Variants in CTNNA2 observed in about 807,000 individuals in gnomAD.
CTNNA2 encodes catenin alpha 2.
Under a neutral mutation model 101.0 loss-of-function variants are expected in CTNNA2, and 42 were observed. That is an observed-to-expected ratio of 0.42 (90% confidence interval 0.32 to 0.54). The LOEUF (loss-of-function observed/expected upper bound fraction) is 0.54. Ranked by LOEUF, CTNNA2 falls within the 20% of genes least tolerant of loss-of-function variation. The pLI, the probability that CTNNA2 is intolerant of heterozygous loss-of-function variation, is 0.14. For synonymous variants in CTNNA2, 450 were observed against 456.4 expected (o/e 0.99, Z 0.18); for missense variants, 871 against 1,223.1 (o/e 0.71, Z 4.29).
rs151276108 is a variant in CTNNA2, at chr2:79,838,978, T to C, written c.299-19035T>C. Among the ~76,000 whole-genome samples the C allele has an allele frequency of 9.6e-3, 1,456 of 152,198 alleles. 31 individuals carry two copies. The highest frequency in any genetic ancestry group is 0.033 in the African/African-American group (1,362 of 41,564). ...ATTACTACTTAATACCACTTATTAC[T>C]GGGCGCTTACTATGTGCCAGCTATA... is the stretch of plus-strand genomic sequence containing the variant. On this transcript the variant is annotated intron_variant, in intron 3 of 18. Transcript: ENST00000402739.
chr2:79,382,698 C>T (rs1186514748), intron 4 of CTNNA2, among the ~76,000 whole-genome samples: 1 of 152,216 alleles, frequency 6.6e-6, no homozygotes, highest in East Asian at 1.9e-4. Flanking sequence ...CCTGCAAGCT[C>T]TGCCTCCCGG....
intron 4 of CTNNA2, among the ~76,000 whole-genome samples, chr2:79,476,778 C>T (rs1464837497): frequency 9.2e-5 from 14 of 152,292 alleles, no homozygotes. Context: ...TTTTTGCTAG[C>T]CACTCGGTCT....
intron 2 of CTNNA2, among the ~76,000 whole-genome samples, chr2:79,684,156 TA>T (rs1683774257): frequency 6.6e-6 from 1 of 152,176 alleles, no homozygotes; most frequent in Non-Finnish European, 1.5e-5. Flanking sequence ...CGCAACTGAG[TA>T]GGGGTACCTT....
chr2:80,088,621 C>G (rs1043783010), intron 7 of CTNNA2, among the ~76,000 whole-genome samples: 3 of 151,970 alleles, frequency 2.0e-5, no homozygotes, highest in Non-Finnish European at 4.4e-5. Flanking sequence ...ATATTTGCCT[C>G]AAATAGGTAC....
At chr2:79,815,576 T>A (rs184094661) in intron 3 of CTNNA2, among the ~76,000 whole-genome samples, 27 of 152,252 alleles carry the variant, frequency 1.8e-4, no homozygotes, top group Non-Finnish European at 3.5e-4. Context: ...GCTGTATGTA[T>A]TGGGTTTATT....
chr2:80,229,920 G>T (rs1246779827), intron 7 of CTNNA2, among the ~76,000 whole-genome samples: 2 of 152,088 alleles, frequency 1.3e-5, no homozygotes, highest in Non-Finnish European at 2.9e-5. Context: ...TGGCCAATGA[G>T]GGACTCCATA....
intron 3 of CTNNA2, among the ~76,000 whole-genome samples, chr2:79,796,727 A>G (rs2105278025): frequency 6.6e-6 from 1 of 152,318 alleles, no homozygotes; most frequent in East Asian, 1.9e-4. Flanking sequence ...ATGTAGCAGC[A>G]TCAGTTAGGT....
intron 3 of CTNNA2, among the ~76,000 whole-genome samples, chr2:79,768,876 A>G (rs1314001960): frequency 6.6e-6 from 1 of 152,022 alleles, no homozygotes; most frequent in African/African-American, 2.4e-5. Context: ...GTTTTTTGAG[A>G]CTGAGTCTCA....
intron 8 of CTNNA2, among the ~76,000 whole-genome samples, chr2:80,400,892 A>G (rs2149379087): frequency 6.6e-6 from 1 of 152,280 alleles, no homozygotes; most frequent in Non-Finnish European, 1.5e-5. Flanking sequence ...GACCCCAGTT[A>G]TGATTGCCCC....
In CTNNA2 at chr2:80,608,318, G is replaced by A; in HGVS notation, c.2430G>A (p.Gly810=). The change falls in exon 17 of 19, where the codon GGG becomes GGA. Residue 810 remains glycine, a splice_region_variant and synonymous_variant. Transcript: ENST00000402739. ...QNLGGELIVS[G]TGVQSTFTTF... ...TGGGAGGAGAGCTCATTGTGTCAGG[G>A]GTAAGCTGGACTTGGGCTTCACAAT... The A allele has an allele frequency of 6.2e-7, 1 of 1,607,112 alleles. No individual in the cohort carries two copies. The highest frequency in any genetic ancestry group is 8.5e-7 in the Non-Finnish European group (1 of 1,175,212).
intron 7 of CTNNA2, among the ~76,000 whole-genome samples, chr2:80,206,290 A>G (rs1707527795): frequency 6.6e-6 from 1 of 152,218 alleles, no homozygotes; most frequent in Admixed American, 6.5e-5. Flanking sequence ...AAACATCACT[A>G]TCATGTAGAC....
intron 4 of CTNNA2, among the ~76,000 whole-genome samples, chr2:79,424,062 G>A (rs763101610): frequency 2.0e-5 from 3 of 152,024 alleles, no homozygotes; most frequent in Non-Finnish European, 4.4e-5. Context: ...TAGAACTGAT[G>A]GGGAAAGATT....
At chr2:79,443,333 T>C (rs1049396794) in intron 4 of CTNNA2, among the ~76,000 whole-genome samples, 2 of 152,070 alleles carry the variant, frequency 1.3e-5, no homozygotes, top group Non-Finnish European at 2.9e-5. Context: ...GCAGAACTGA[T>C]GTCCAAGAGC....
At chr2:79,844,448 A>G (rs1033087200) in intron 3 of CTNNA2, among the ~76,000 whole-genome samples, 2 of 152,144 alleles carry the variant, frequency 1.3e-5, no homozygotes, top group Non-Finnish European at 2.9e-5. Flanking sequence ...TTTGTCCAAT[A>G]TTTCCTGACG....
chr2:79,307,361 A>G (rs1168804428), intron 2 of CTNNA2, among the ~76,000 whole-genome samples: 1 of 152,166 alleles, frequency 6.6e-6, no homozygotes, highest in Non-Finnish European at 1.5e-5. Flanking sequence ...GTAATTTCGT[A>G]TCCTTTAACA....
rs138996216 is a variant in CTNNA2 at position 79,712,176 on chromosome 2, G to A, written c.103-32211G>A. ...ATTCTGTATTAGACATTATTAGCTC[G>A]ATCTTTAGTGAACTAATTGAAGCTC... On this transcript the variant is annotated intron_variant, in intron 2 of 18. Coordinates refer to ENST00000402739, the MANE Select transcript of CTNNA2 (RefSeq NM_001282597.3). 5.6e-3 allele frequency among the ~76,000 whole-genome samples: 855 copies of A among 152,182 alleles called. 29 individuals carry two copies. The highest frequency in any genetic ancestry group is 0.047 in the Admixed American group (721 of 15,292).
intron 4 of CTNNA2, among the ~76,000 whole-genome samples, chr2:79,375,745 A>T (rs1171744216): frequency 4.6e-5 from 7 of 152,194 alleles, no homozygotes; most frequent in South Asian, 2.1e-4. Context: ...CTAATTTTTT[A>T]AAATTAGATT....
Position 79,563,161 on chromosome 2 carries a change from G to GTATATATATA in CTNNA2, c.-6+49972_-6+49981dup, listed in dbSNP as rs71385287. On this transcript the variant is annotated intron_variant, in intron 1 of 18. Transcript: ENST00000402739. ...GGAAAACACCTAATAATAAAGATGT[G>GTATATATATA]TATATATATATATATATATATATAT... Among the ~76,000 whole-genome samples the GTATATATATA allele has an allele frequency of 8.5e-3, 669 of 78,516 alleles. 12 individuals are homozygous for GTATATATATA. The highest frequency in any genetic ancestry group is 0.03 in the African/African-American group (640 of 21,022). The allele number at this position is 78,516 out of a possible 152,430, so 51.5% of individuals were successfully genotyped here.
chr2:80,406,128 C>T (rs1177428342), intron 8 of CTNNA2, among the ~76,000 whole-genome samples: 1 of 152,004 alleles, frequency 6.6e-6, no homozygotes, highest in Non-Finnish European at 1.5e-5. Flanking sequence ...GAGGCCAAGG[C>T]GGGTGGATCA....
Sources: allele counts gnomAD v4.1 joint callset (sites outside exome capture counted in the v4.1 genomes callset), GRCh38; gene constraint gnomAD v4.1.1; transcripts MANE v1.5; gene names NCBI Gene and HGNC (gene_info 2026-07-23, HGNC 2026-07-21).